NRG3: variants seen among roughly 807,000 people sequenced by gnomAD.
The protein encoded by NRG3 is pro-neuregulin-3, membrane-bound isoform.
In NRG3, 31 loss-of-function variants were observed where a neutral mutation model predicts 66.9. The ratio of observed to expected loss-of-function variants is 0.46; its 90% confidence interval spans 0.35 to 0.63. The LOEUF (loss-of-function observed/expected upper bound fraction) is 0.63. Ranked by LOEUF, NRG3 falls within the 20% of genes least tolerant of loss-of-function variation. The probability of loss-of-function intolerance (pLI) is 0.00; values close to 1 mark genes in which losing one functional copy is unlikely to be tolerated. For synonymous variants in NRG3, 393 were observed against 359.4 expected (o/e 1.09, Z -1.06); for missense variants, 910 against 878.9 (o/e 1.04, Z -0.45).
At chr10:82,341,189 T>G (rs1392935136) in intron 1 of NRG3, among the ~76,000 whole-genome samples, 3 of 152,126 alleles carry the variant, frequency 2.0e-5, no homozygotes, top group African/African-American at 7.2e-5. Flanking sequence ...CCAAGATGAA[T>G]GAACTACTAA....
chr10:82,939,905 A>G (rs773377831), intron 4 of NRG3, among the ~76,000 whole-genome samples: 2 of 151,576 alleles, frequency 1.3e-5, no homozygotes, highest in Non-Finnish European at 1.5e-5. Flanking sequence ...CCCACCAAGC[A>G]GAAGACCACT....
At chr10:82,113,219 C>T (rs1446643034) in intron 1 of NRG3, among the ~76,000 whole-genome samples, 4 of 152,098 alleles carry the variant, frequency 2.6e-5, no homozygotes, top group Non-Finnish European at 4.4e-5. Flanking sequence ...CACAACAACC[C>T]TATGGAGATG....
chr10:82,782,887 C>G (rs1011782349), intron 3 of NRG3, among the ~76,000 whole-genome samples: 2 of 152,110 alleles, frequency 1.3e-5, no homozygotes, highest in Non-Finnish European at 2.9e-5. Flanking sequence ...ATACCAAAGA[C>G]GGGCAGAGAC....
chr10:82,353,783 A>G (rs1161161904), intron 1 of NRG3, among the ~76,000 whole-genome samples: 1 of 152,038 alleles, frequency 6.6e-6, no homozygotes, highest in Non-Finnish European at 1.5e-5. Flanking sequence ...ATCTCTGCTC[A>G]TCTTAATCCT....
At chr10:82,151,465 T>C (rs2070742090) in intron 1 of NRG3, among the ~76,000 whole-genome samples, 1 of 152,178 alleles carries the variant, frequency 6.6e-6, no homozygotes, top group African/African-American at 2.4e-5. Context: ...GGATCAGGAC[T>C]CTTTCTGTGA....
intron 3 of NRG3, among the ~76,000 whole-genome samples, chr10:82,858,011 C>G (rs555640977): frequency 2.6e-5 from 4 of 152,276 alleles, no homozygotes; most frequent in Admixed American, 2.0e-4. Context: ...TGCTCACACT[C>G]TTGACAGTTC....
At chr10:82,420,243 ACTAAGTCTGTGG>A (rs1240822916) in intron 2 of NRG3, among the ~76,000 whole-genome samples, 3 of 152,150 alleles carry the variant, frequency 2.0e-5, no homozygotes, top group African/African-American at 7.2e-5. Flanking sequence ...ATCTTGTCAC[ACTAAGTCTGTGG>A]CACAATTTGA....
intron 1 of NRG3, among the ~76,000 whole-genome samples, chr10:82,141,638 T>TA (rs534218893): frequency 0.032 from 4,797 of 149,458 alleles, 239 homozygotes; most frequent in African/African-American, 0.11. Context: ...TCTCTTAAAA[T>TA]AAAAAAAAAA....
chr10:82,448,183 C>A (rs1382768404), intron 2 of NRG3, among the ~76,000 whole-genome samples: 1 of 152,128 alleles, frequency 6.6e-6, no homozygotes, highest in Non-Finnish European at 1.5e-5. Flanking sequence ...CTATTAGAAA[C>A]AGGTATTCAA....
At chr10:82,381,257 TTAA>T (rs1363290212) in intron 2 of NRG3, among the ~76,000 whole-genome samples, 1 of 152,122 alleles carries the variant, frequency 6.6e-6, no homozygotes, top group Non-Finnish European at 1.5e-5. Context: ...AATGGTGATG[TTAA>T]TGATGATAAT....
chr10:82,784,131 G>C (rs1321394780), intron 3 of NRG3, among the ~76,000 whole-genome samples: 1 of 152,046 alleles, frequency 6.6e-6, no homozygotes, highest in Non-Finnish European at 1.5e-5. Flanking sequence ...TTAATAAATG[G>C]TGCTGGGAAA....
chr10:82,865,308 C>T (rs1400805622), intron 3 of NRG3, 103 bp from the exon 4 acceptor site: 10 of 1,178,122 alleles, frequency 8.5e-6, no homozygotes, highest in South Asian at 1.3e-5. Flanking sequence ...TGTGCCTTGC[C>T]TTGGAGGGTT....
At chr10:82,820,554 A>C (rs142346320) in intron 3 of NRG3, among the ~76,000 whole-genome samples, 2 of 152,210 alleles carry the variant, frequency 1.3e-5, no homozygotes, top group Admixed American at 1.3e-4. Context: ...CAGCTAGATA[A>C]GCAGATAAAT....
chr10:82,373,190 A>C (rs2085002056), intron 2 of NRG3, among the ~76,000 whole-genome samples: 1 of 152,366 alleles, frequency 6.6e-6, no homozygotes, highest in African/African-American at 2.4e-5. Context: ...CAACACATGC[A>C]TACAGCAGAG....
chr10:82,656,247 C>T (rs2051844269), intron 2 of NRG3, among the ~76,000 whole-genome samples: 1 of 151,478 alleles, frequency 6.6e-6, no homozygotes. Flanking sequence ...TACATAATCC[C>T]TATCACTTAT....
intron 3 of NRG3, among the ~76,000 whole-genome samples, chr10:82,787,894 C>T (rs73307219): frequency 0.028 from 4,198 of 152,250 alleles, 76 homozygotes; most frequent in Middle Eastern, 0.075. Context: ...TCTCCATTTA[C>T]TTATCAAAGG....
At chr10:82,346,067 G>A (rs1242806409) in intron 1 of NRG3, among the ~76,000 whole-genome samples, 2 of 149,716 alleles carry the variant, frequency 1.3e-5, no homozygotes, top group Non-Finnish European at 3.0e-5. Flanking sequence ...TCCTTCTCCT[G>A]CCTAATTGCC....
Position 82,471,855 on chromosome 10 carries a change from C to T in NRG3, c.953+112987C>T, listed in dbSNP as rs377726063. ...AGTGAGCTGAGATGGTGCCATTGCA[C>T]TCCAGCCTGGGCTACAAGAGCAAGA... On this transcript the variant is annotated intron_variant, in intron 2 of 8. Transcript: ENST00000372141. 2.7e-4 allele frequency among the ~76,000 whole-genome samples: 41 copies of T among 151,248 alleles called. No homozygotes were observed. In the South Asian group the frequency reaches 7.3e-3, roughly 27 times the overall value.
At chr10:82,682,609 A>C (rs566649807) in intron 2 of NRG3, among the ~76,000 whole-genome samples, 10 of 152,168 alleles carry the variant, frequency 6.6e-5, no homozygotes, top group Non-Finnish European at 7.3e-5. Flanking sequence ...ACTGCTGAAT[A>C]GTTGATTCAT....
Sources: allele counts gnomAD v4.1 joint callset (sites outside exome capture counted in the v4.1 genomes callset), GRCh38; gene constraint gnomAD v4.1.1; transcripts MANE v1.5; gene names NCBI Gene and HGNC (gene_info 2026-07-23, HGNC 2026-07-21).